The following GSE1 variants were observed in gnomAD, a reference collection of about 807,000 sequenced individuals.
GSE1 encodes genetic suppressor element 1.
Under a neutral mutation model 112.6 loss-of-function variants are expected in GSE1, and 32 were observed. The observed-to-expected ratio is 0.28, with a 90% CI of 0.21 to 0.38. The LOEUF is 0.38. GSE1 is among the 10% of genes least tolerant of loss of function. GSE1 has a pLI of 1.00. For synonymous variants in GSE1, 1,115 were observed against 735.6 expected (o/e 1.52, Z -8.35); for missense variants, 2,348 against 1,699.2 (o/e 1.38, Z -6.71).
chr16:85,667,742 C>G (rs960101612), intron 13 of GSE1, among the ~76,000 whole-genome samples: 1 of 152,156 alleles, frequency 6.6e-6, no homozygotes, highest in East Asian at 1.9e-4. Context: ...GCGTGTAATT[C>G]CAGCCACTCC....
intron 9 of GSE1, 64 bp downstream of exon 9, chr16:85,661,829 C>T (rs926502653): frequency 3.6e-6 from 5 of 1,401,448 alleles, no homozygotes; most frequent in Non-Finnish European, 3.8e-6. Flanking sequence ...GGGGAGCCTG[C>T]ATGCCAGCCA....
chr16:85,293,202 C>T (rs1009502294), intron 1 of GSE1, among the ~76,000 whole-genome samples: 3 of 152,074 alleles, frequency 2.0e-5, no homozygotes, highest in African/African-American at 7.2e-5. Flanking sequence ...AGTGATAGGC[C>T]TGTGGTAGTG....
chr16:85,613,682 T>G (rs548439395), intron 1 of GSE1, among the ~76,000 whole-genome samples: 9 of 88,838 alleles, frequency 1.0e-4, no homozygotes, highest in African/African-American at 3.9e-4. Context: ...TGCGTTTAAG[T>G]GCGTGCGGGC....
At chr16:85,318,358 G>C (rs2046029365) in intron 1 of GSE1, among the ~76,000 whole-genome samples, 1 of 152,116 alleles carries the variant, frequency 6.6e-6, no homozygotes, top group African/African-American at 2.4e-5. Flanking sequence ...CAACCTCCTG[G>C]GGTCAAGTGA....
At chr16:85,532,862 C>T (rs1270887413) in intron 2 of GSE1, among the ~76,000 whole-genome samples, 3 of 152,204 alleles carry the variant, frequency 2.0e-5, no homozygotes, top group Admixed American at 1.3e-4. Flanking sequence ...TGAAGTGGGC[C>T]GCCCCTGCAA....
chr16:85,639,749 C>T (rs1021354012), intron 2 of GSE1, among the ~76,000 whole-genome samples: 7 of 152,238 alleles, frequency 4.6e-5, no homozygotes, highest in East Asian at 1.9e-4. Flanking sequence ...GAGCCTCCAC[C>T]GCCGCCCCCA....
intron 2 of GSE1, among the ~76,000 whole-genome samples, chr16:85,545,925 G>A (rs1267087597): frequency 1.3e-5 from 2 of 151,882 alleles, no homozygotes; most frequent in Non-Finnish European, 2.9e-5. Context: ...TGGGACTACA[G>A]GCGCCCGCCA....
intron 1 of GSE1, among the ~76,000 whole-genome samples, chr16:85,357,029 T>C (rs13332478): frequency 0.53 from 80,094 of 152,108 alleles, 21,965 homozygotes; most frequent in Middle Eastern, 0.62. Context: ...CCAGGGGATC[T>C]CTGGGCAAGC....
intron 2 of GSE1, among the ~76,000 whole-genome samples, chr16:85,412,671 G>A (rs1475547814): frequency 3.4e-5 from 2 of 58,610 alleles, no homozygotes; most frequent in African/African-American, 7.7e-5. Context: ...GGGCCCCCCT[G>A]GATAATCCTC....
chr16:85,520,717 C>A (rs1419314275), intron 2 of GSE1, among the ~76,000 whole-genome samples: 1 of 152,132 alleles, frequency 6.6e-6, no homozygotes, highest in African/African-American at 2.4e-5. Context: ...GCCACCGCGC[C>A]TAGCCCCTGC....
chr16:85,556,661 G>C (rs1268819957), intron 1 of GSE1, among the ~76,000 whole-genome samples: 1 of 150,444 alleles, frequency 6.6e-6, no homozygotes, highest in South Asian at 2.1e-4. Context: ...GCGGCGGAGC[G>C]AGCGGCCGAG....
At chr16:85,657,199 G>A in intron 7 of GSE1, 78 bp from the exon 8 acceptor site, 1 of 1,019,168 alleles carries the variant, frequency 9.8e-7, no homozygotes. Context: ...TCTCTGGGCA[G>A]TTGGGTGAGA....
chr16:85,546,749 A>G (rs1037309069), intron 2 of GSE1, among the ~76,000 whole-genome samples: 16 of 152,172 alleles, frequency 1.1e-4, no homozygotes, highest in African/African-American at 3.9e-4. Flanking sequence ...GCCCCACCCA[A>G]TTGCCCTAGA....
At chr16:85,669,963 C>T (rs1214927625) in intron 14 of GSE1, among the ~76,000 whole-genome samples, 1 of 152,246 alleles carries the variant, frequency 6.6e-6, no homozygotes, top group African/African-American at 2.4e-5. Context: ...GGCTTTCCCC[C>T]AAGGACTTTT....
At chr16:85,563,188 CCTTT>C (rs1277736949) in intron 1 of GSE1, among the ~76,000 whole-genome samples, 1 of 140,182 alleles carries the variant, frequency 7.1e-6, no homozygotes, top group Non-Finnish European at 1.5e-5. Flanking sequence ...TCCTCCTCTT[CCTTT>C]TTTTTTTTTT....
Position 85,662,623 on chromosome 16 carries a change from C to T in GSE1, c.2261-358C>T, listed in dbSNP as rs139991312. The stretch of plus-strand genomic sequence containing the variant: ...CCTCCCAGGAGATGGACTCAGATGG[C>T]CACAGCATGGGGGAGTGCATGTGCA... On this transcript the variant is annotated intron_variant, in intron 9 of 15. Transcript: ENST00000253458. 3.7e-3 allele frequency: 823 copies of T among 221,596 alleles called. 3 individuals are homozygous for T. Among genetic ancestry groups the T allele is most frequent in the Middle Eastern group, 6.1e-3 (4 of 652 alleles). The allele number at this position is 221,596 out of a possible 1,614,324, so 13.7% of individuals were successfully genotyped here.
chr16:85,402,333 G>A (rs1198835217), intron 2 of GSE1, among the ~76,000 whole-genome samples: 1 of 152,230 alleles, frequency 6.6e-6, no homozygotes, highest in Non-Finnish European at 1.5e-5. Flanking sequence ...GGGATGTCTG[G>A]TTGGAGAAGC....
intron 2 of GSE1, among the ~76,000 whole-genome samples, chr16:85,360,827 CAG>C (rs1197003401): frequency 3.3e-5 from 5 of 151,948 alleles, no homozygotes; most frequent in Non-Finnish European, 7.4e-5. Flanking sequence ...AGCACACACA[CAG>C]ATACACACAC....
At chr16:85,548,789 T>C (rs1407894275) in intron 2 of GSE1, among the ~76,000 whole-genome samples, 1 of 152,170 alleles carries the variant, frequency 6.6e-6, no homozygotes, top group East Asian at 1.9e-4. Context: ...TGATCTGGTC[T>C]GGGGATTCTT....
Sources: allele counts gnomAD v4.1 joint callset (sites outside exome capture counted in the v4.1 genomes callset), GRCh38; gene constraint gnomAD v4.1.1; transcripts MANE v1.5; gene names NCBI Gene and HGNC (gene_info 2026-07-23, HGNC 2026-07-21).